The following FAM169A variants were observed in gnomAD, a reference collection of about 807,000 sequenced individuals.
FAM169A encodes family with sequence similarity 169 member A.
FAM169A carries 24 observed loss-of-function variants against 75.7 expected under a neutral mutation model. That is an observed-to-expected ratio of 0.32 (90% confidence interval 0.23 to 0.45). The LOEUF (loss-of-function observed/expected upper bound fraction) is 0.45, where lower values mean the gene tolerates loss of function less well. Ranked by LOEUF, FAM169A falls within the 20% of genes least tolerant of loss-of-function variation. The pLI is 1.00. For missense variants in FAM169A, 673 were observed against 784.0 expected, an observed-to-expected ratio of 0.86 and a Z score of 1.69; for synonymous variants, 271 against 271.0, an observed-to-expected ratio of 1.00 and a Z score of 0.00.
At chr5:74,783,279 T>C in intron 11 of FAM169A, 145 bp from the exon 12 acceptor site, 2 of 606,456 alleles carry the variant, frequency 3.3e-6, no homozygotes, top group Non-Finnish European at 5.8e-6. Context: ...AAGAACAGTC[T>C]TACTGGGGGA....
At chr5:74,833,741 A>C (rs1580141429) in intron 5 of FAM169A, among the ~76,000 whole-genome samples, 1 of 152,192 alleles carries the variant, frequency 6.6e-6, no homozygotes, top group South Asian at 2.1e-4. Context: ...TTGTTCTTTG[A>C]TGGTCACAAG....
At chr5:74,850,951 C>T (rs1276642420) in intron 1 of FAM169A, among the ~76,000 whole-genome samples, 1 of 152,148 alleles carries the variant, frequency 6.6e-6, no homozygotes, top group Non-Finnish European at 1.5e-5. Flanking sequence ...GAATCTCACT[C>T]TGTCACCCAG....
At chr5:74,801,534 C>A (rs369186661) in intron 9 of FAM169A, 56 bp downstream of exon 9, 7 of 1,313,586 alleles carry the variant, frequency 5.3e-6, no homozygotes, top group Admixed American at 3.4e-5. Flanking sequence ...CACACACACA[C>A]AGCCCTAATT....
rs190771764 is a variant in FAM169A at position 74,813,780 on chromosome 5, A to G, written c.670+60T>C. ...TATATACACATTTACCGTATTTTGA[A>G]GAAACAAGTCGGAAGTGACACAAAG... On this transcript the variant is annotated intron_variant, in intron 6 of 12. Coordinates refer to ENST00000687041, the MANE Select transcript of FAM169A (RefSeq NM_001376049.1). 269 of 1,288,724 alleles carry G rather than the reference A, an allele frequency of 2.1e-4. 3 individuals carry two copies. Among genetic ancestry groups the G allele is most frequent in the South Asian group, 1.2e-3 (66 of 53,608 alleles). 79.8% of individuals were successfully genotyped at this position (1,288,724 alleles called of 1,614,324 possible).
chr5:74,864,922 C>A (rs776063530), intron 1 of FAM169A, among the ~76,000 whole-genome samples: 4 of 152,214 alleles, frequency 2.6e-5, no homozygotes, highest in Non-Finnish European at 5.9e-5. Flanking sequence ...CAATAAAAAT[C>A]TTTCCTCTTG....
intron 1 of FAM169A, among the ~76,000 whole-genome samples, chr5:74,860,912 C>T (rs986836532): frequency 1.3e-5 from 2 of 150,660 alleles, no homozygotes; most frequent in African/African-American, 2.4e-5. Context: ...TCGAGGCAGG[C>T]GGATCACGAG....
chr5:74,839,991 C>A, intron 3 of FAM169A, 83 bp downstream of exon 3: 2 of 663,714 alleles, frequency 3.0e-6, no homozygotes, highest in East Asian at 2.9e-5. Flanking sequence ...AAACCAAATT[C>A]CTTCATGTAG....
intron 1 of FAM169A, among the ~76,000 whole-genome samples, chr5:74,857,474 G>A (rs960790715): frequency 6.7e-6 from 1 of 150,210 alleles, no homozygotes; most frequent in Non-Finnish European, 1.5e-5. Flanking sequence ...CTTGAGTCCG[G>A]GAGGCAGAGG....
At chr5:74,793,217 T>TGGGA (rs1194911680) in intron 11 of FAM169A, among the ~76,000 whole-genome samples, 3 of 149,566 alleles carry the variant, frequency 2.0e-5, no homozygotes, top group Admixed American at 6.7e-5. Context: ...CCCAGCTACT[T>TGGGA]GGGAGGCTGA....
At position 74,804,474 on chromosome 5, in the gene FAM169A, A is replaced by G. The variant is rs775045246; in HGVS notation, c.912+19T>C. ...AAAAATTTTATATACAACAATAAAC[A>G]TATAGACAGTGTACCTACAGTTAGC... On this transcript the variant is annotated intron_variant, in intron 8 of 12. Coordinates refer to ENST00000687041, the MANE Select transcript of FAM169A (RefSeq NM_001376049.1). The G allele has an allele frequency of 1.5e-6, 2 of 1,364,350 alleles. No homozygotes were observed. The highest frequency in any genetic ancestry group is 1.9e-5 in the Admixed American group (1 of 51,284). The allele number at this position is 1,364,350 out of a possible 1,614,324, so 84.5% of individuals were successfully genotyped here. A position where few individuals can be genotyped will look rare whatever the true frequency, so the allele number is the denominator to read the frequency against.
Position 74,801,622 on chromosome 5 carries a change from G to T in FAM169A, c.920C>A (p.Ser307Tyr). 2 of 1,608,538 alleles carry T rather than the reference G, an allele frequency of 1.2e-6. No homozygotes were observed. ...AGTGCTTGCAAAGGCATCTTTTAGAGAATCAATCTAAAAAAGAGAGAGATT... is the reference window on the plus strand; with the variant it reads ...AGTGCTTGCAAAGGCATCTTTTAGATAATCAATCTAAAAAAGAGAGAGATT... ...QSSEMQLTID[S>Y]LKDAFASTSE... The change falls in exon 9 of 13, where the codon TCT (serine) becomes TAT (tyrosine). Residue 307 changes from serine (S) to tyrosine (Y), a missense_variant. Around this residue, in one of 3 missense-constraint regions of FAM169A, gnomAD observed 510 missense variants for 550.9 expected, o/e 0.93. Coordinates refer to ENST00000687041, the MANE Select transcript of FAM169A (RefSeq NM_001376049.1).
chr5:74,818,308 G>T (rs1747574101), intron 5 of FAM169A, among the ~76,000 whole-genome samples: 2 of 151,488 alleles, frequency 1.3e-5, no homozygotes, highest in Admixed American at 1.3e-4. Context: ...AACTCAAAAA[G>T]AAAAAAAAGA....
chr5:74,796,433 T>G (rs1345773535), intron 10 of FAM169A, among the ~76,000 whole-genome samples: 1 of 151,846 alleles, frequency 6.6e-6, no homozygotes, highest in Non-Finnish European at 1.5e-5. Flanking sequence ...CGAGATAAAG[T>G]CTCGCTCTGT....
intron 5 of FAM169A, among the ~76,000 whole-genome samples, chr5:74,832,576 C>T (rs73120619): frequency 0.36 from 53,318 of 149,884 alleles, 12,642 homozygotes; most frequent in African/African-American, 0.68. Context: ...ATATTACATA[C>T]ATATCAGTAT....
chr5:74,859,091 GT>G (rs1397243040), intron 1 of FAM169A, among the ~76,000 whole-genome samples: 4 of 151,680 alleles, frequency 2.6e-5, no homozygotes, highest in Non-Finnish European at 4.4e-5. Context: ...GCACATGCCT[GT>G]AGTCTCAGCT....
intron 12 of FAM169A, 68 bp downstream of exon 12, chr5:74,782,863 T>C: frequency 8.8e-7 from 1 of 1,142,772 alleles, no homozygotes; most frequent in South Asian, 1.4e-5. Flanking sequence ...ATATATACCA[T>C]GCACCCTCCT....
At chr5:74,831,133 C>T (rs1748288247) in intron 5 of FAM169A, among the ~76,000 whole-genome samples, 1 of 151,856 alleles carries the variant, frequency 6.6e-6, no homozygotes, top group Non-Finnish European at 1.5e-5. Flanking sequence ...ATTCAGAAAA[C>T]TTTAGAGCCA....
In FAM169A at chr5:74,805,250, G is replaced by A. The variant is rs754397593; in HGVS notation, c.705C>T (p.Asp235=). The part of the protein sequence containing the change: ...CKQYFEKYPG[D]HELLWEVEGV... ...CTTCAACTTCCCAAAGGAGTTCATGGTCTCCTGGATACTTCTCAAAGTATT... is the reference window on the plus strand; with the variant it reads ...CTTCAACTTCCCAAAGGAGTTCATGATCTCCTGGATACTTCTCAAAGTATT... The change falls in exon 7 of 13, where the codon GAC becomes GAT. Residue 235 remains aspartate, a synonymous_variant. Transcript: ENST00000687041. 6.2e-7 allele frequency: 1 copy of A among 1,613,626 alleles called. No homozygotes were observed. The highest frequency in any genetic ancestry group is 1.1e-5 in the South Asian group (1 of 91,072).
intron 5 of FAM169A, among the ~76,000 whole-genome samples, chr5:74,827,505 T>A (rs1241742116): frequency 2.0e-5 from 3 of 152,080 alleles, no homozygotes; most frequent in Non-Finnish European, 4.4e-5. Flanking sequence ...TATCTTGTGA[T>A]CCTAATGTTC....
Sources: allele counts gnomAD v4.1 joint callset (sites outside exome capture counted in the v4.1 genomes callset), GRCh38; gene constraint gnomAD v4.1.1; regional missense constraint gnomAD v4.1.1; transcripts MANE v1.5; gene names NCBI Gene and HGNC (gene_info 2026-07-23, HGNC 2026-07-21).